MRTFB: variants seen among roughly 807,000 people sequenced by gnomAD.
MRTFB encodes the protein myocardin-related transcription factor B.
Under a neutral mutation model 104.2 loss-of-function variants are expected in MRTFB, and 29 were observed. That is an observed-to-expected ratio of 0.28 (90% confidence interval 0.21 to 0.38). The LOEUF (loss-of-function observed/expected upper bound fraction) is 0.38. MRTFB is among the 10% of genes least tolerant of loss of function. The pLI is 1.00. For missense variants in MRTFB, 1,270 were observed against 1,341.6 expected, an observed-to-expected ratio of 0.95 and a Z score of 0.83; for synonymous variants, 535 against 519.5, an observed-to-expected ratio of 1.03 and a Z score of -0.41.
chr16:14,256,121 A>AAG (rs1555461813), intron 15 of MRTFB, among the ~76,000 whole-genome samples: 7 of 148,480 alleles, frequency 4.7e-5, no homozygotes, highest in Non-Finnish European at 8.8e-5. Context: ...AAAAAAAAAA[A>AAG]AAAGAAAGAA....
At chr16:14,244,510 A>G (rs1403223158) in intron 10 of MRTFB, among the ~76,000 whole-genome samples, 2 of 152,224 alleles carry the variant, frequency 1.3e-5, no homozygotes, top group African/African-American at 4.8e-5. Context: ...TTTGCAAAGT[A>G]GTTGCATCAT....
chr16:14,057,369 C>T, the MRTFB span, among the ~76,000 whole-genome samples: 1 of 152,168 alleles, frequency 6.6e-6, no homozygotes, highest in Non-Finnish European at 1.5e-5. Context: ...TTCCTGGGGG[C>T]ACCTTACCTC....
At chr16:13,997,259 T>A in the MRTFB span, among the ~76,000 whole-genome samples, 3 of 152,178 alleles carry the variant, frequency 2.0e-5, no homozygotes, top group African/African-American at 7.2e-5. Flanking sequence ...AAGAAGCAGT[T>A]AGCATCATGT....
chr16:14,022,884 G>A, the MRTFB span, among the ~76,000 whole-genome samples: 2 of 151,142 alleles, frequency 1.3e-5, no homozygotes, highest in Non-Finnish European at 2.9e-5. Flanking sequence ...TTTAGTAGAA[G>A]TGAGGTTTCG....
At chr16:14,077,672 C>T (rs2034144391) in intron 1 of MRTFB, among the ~76,000 whole-genome samples, 1 of 152,054 alleles carries the variant, frequency 6.6e-6, no homozygotes, top group Admixed American at 6.6e-5. Flanking sequence ...GTTTTCTAAT[C>T]TGTAAAAGGA....
chr16:14,236,177 T>C (rs1164666339), intron 9 of MRTFB, among the ~76,000 whole-genome samples: 1 of 152,086 alleles, frequency 6.6e-6, no homozygotes, highest in African/African-American at 2.4e-5. Flanking sequence ...GGTGACAGAG[T>C]GAGACCCTGC....
the MRTFB span, among the ~76,000 whole-genome samples, chr16:14,039,685 A>G: frequency 6.6e-6 from 1 of 151,706 alleles, no homozygotes; most frequent in South Asian, 2.1e-4. Flanking sequence ...CATTTCATGC[A>G]CTTTTAATTT....
At chr16:14,001,599 G>T in the MRTFB span, among the ~76,000 whole-genome samples, 1 of 152,254 alleles carries the variant, frequency 6.6e-6, no homozygotes, top group Non-Finnish European at 1.5e-5. Flanking sequence ...AAGCAAAGGT[G>T]ACTTCAGCAG....
intron 1 of MRTFB, among the ~76,000 whole-genome samples, chr16:14,078,233 T>G (rs1037589865): frequency 4.6e-5 from 7 of 152,218 alleles, no homozygotes; most frequent in Non-Finnish European, 8.8e-5. Flanking sequence ...GGAGAGAAAC[T>G]GTGTTCATCC....
intron 2 of MRTFB, among the ~76,000 whole-genome samples, chr16:14,114,644 T>C (rs2036442866): frequency 6.6e-6 from 1 of 152,214 alleles, no homozygotes; most frequent in African/African-American, 2.4e-5. Flanking sequence ...TTGCTTCAGT[T>C]CAGTTTCTTC....
At chr16:14,217,379 G>A (rs945000892) in intron 7 of MRTFB, 92 bp downstream of exon 7, 59 of 1,059,546 alleles carry the variant, frequency 5.6e-5, no homozygotes, top group Non-Finnish European at 7.4e-5. Flanking sequence ...AGCACCGATC[G>A]TGAGTATTGT....
the MRTFB span, among the ~76,000 whole-genome samples, chr16:14,007,711 A>G: frequency 6.6e-6 from 1 of 152,076 alleles, no homozygotes; most frequent in Non-Finnish European, 1.5e-5. Context: ...GAATTTCACT[A>G]CCTCCTTGCC....
chr16:14,020,078 C>A, the MRTFB span, among the ~76,000 whole-genome samples: 1 of 152,066 alleles, frequency 6.6e-6, no homozygotes, highest in Non-Finnish European at 1.5e-5. Context: ...GTATATTCAC[C>A]CTGTCTATGC....
chr16:14,153,684 G>C (rs1325303600), intron 3 of MRTFB, among the ~76,000 whole-genome samples: 1 of 151,942 alleles, frequency 6.6e-6, no homozygotes, highest in East Asian at 1.9e-4. Flanking sequence ...TAACTGTCAG[G>C]GTCCAGTGGT....
chr16:14,017,292 G>T, the MRTFB span, among the ~76,000 whole-genome samples: 1 of 151,638 alleles, frequency 6.6e-6, no homozygotes, highest in African/African-American at 2.4e-5. Flanking sequence ...TCCTGACCTT[G>T]TGATCCGCCC....
chr16:14,016,667 G>GGAGGCT, the MRTFB span, among the ~76,000 whole-genome samples: 1 of 151,584 alleles, frequency 6.6e-6, no homozygotes, highest in African/African-American at 2.4e-5. Context: ...CAGGTACTCG[G>GGAGGCT]GAGGCTGAGG....
chr16:14,200,503 C>A (rs1450212647), intron 3 of MRTFB: 1 of 1,610,402 alleles, frequency 6.2e-7, no homozygotes, highest in Non-Finnish European at 8.5e-7. Context: ...GTGCAATCAT[C>A]GTCTGTCTTC....
the MRTFB span, among the ~76,000 whole-genome samples, chr16:14,065,728 T>C: frequency 2.6e-5 from 4 of 152,158 alleles, no homozygotes; most frequent in South Asian, 2.1e-4. Flanking sequence ...GTGGGCAACA[T>C]AGCAAGACCC....
At chr16:14,048,305 A>G in the MRTFB span, among the ~76,000 whole-genome samples, 1 of 152,234 alleles carries the variant, frequency 6.6e-6, no homozygotes, top group Non-Finnish European at 1.5e-5. Flanking sequence ...AATGGAAGAA[A>G]TCAAACAGGA....
Sources: gnomAD v4.1 joint callset for allele counts (sites outside exome capture counted in the v4.1 genomes callset) on GRCh38, gnomAD v4.1.1 for gene constraint, MANE v1.5 for transcripts, NCBI Gene and HGNC (gene_info 2026-07-23, HGNC 2026-07-21) for gene names.